The following RALYL variants were observed in gnomAD, a reference collection of about 807,000 sequenced individuals.
RALYL encodes RNA-binding Raly-like protein.
A neutral mutation model predicts 35.1 loss-of-function variants in RALYL; 29 were observed. That is an observed-to-expected ratio of 0.83 (90% CI 0.61 to 1.13). The LOEUF (loss-of-function observed/expected upper bound fraction) is 1.13, where lower values mean the gene tolerates loss of function less well. RALYL is among the 50% of genes most tolerant of loss of function. The pLI, the probability that RALYL is intolerant of heterozygous loss-of-function variation, is 0.00. For missense variants in RALYL, 359 were observed against 360.4 expected (o/e 1.00, Z 0.03); for synonymous variants, 120 against 127.6 (o/e 0.94, Z 0.40).
chr8:84,551,775 C>T (rs2060735835), intron 2 of RALYL, among the ~76,000 whole-genome samples: 1 of 152,140 alleles, frequency 6.6e-6, no homozygotes, highest in South Asian at 2.1e-4. Context: ...ATCTCCTAGG[C>T]TGGTGCATGG....
chr8:84,481,526 A>G (rs2054038657), intron 1 of RALYL, among the ~76,000 whole-genome samples: 1 of 152,168 alleles, frequency 6.6e-6, no homozygotes, highest in African/African-American at 2.4e-5. Flanking sequence ...GTTCATAGAA[A>G]TTCTATTTAC....
At chr8:84,366,482 A>G (rs1854297838) in intron 1 of RALYL, among the ~76,000 whole-genome samples, 1 of 152,110 alleles carries the variant, frequency 6.6e-6, no homozygotes, top group South Asian at 2.1e-4. Context: ...AAGGATGTTT[A>G]AAAGGTGGCT....
intron 1 of RALYL, among the ~76,000 whole-genome samples, chr8:84,518,274 T>C (rs1275853574): frequency 1.3e-5 from 2 of 152,194 alleles, no homozygotes; most frequent in Non-Finnish European, 2.9e-5. Flanking sequence ...GCATCCATAA[T>C]TTTTAATTTC....
intron 4 of RALYL, among the ~76,000 whole-genome samples, chr8:84,826,813 T>C (rs74442155): frequency 3.4e-4 from 52 of 151,314 alleles, no homozygotes; most frequent in African/African-American, 1.2e-3. Context: ...GACAGCCAGG[T>C]TTTTGATGCC....
chr8:84,316,456 A>T (rs4740008), intron 1 of RALYL, among the ~76,000 whole-genome samples: 99,217 of 151,984 alleles, frequency 0.65, 33,109 homozygotes, highest in African/African-American at 0.78. Flanking sequence ...GTTTTATTAG[A>T]TGACATAAAA....
chr8:84,524,361 C>T (rs1424901040), intron 1 of RALYL, among the ~76,000 whole-genome samples: 1 of 152,154 alleles, frequency 6.6e-6, no homozygotes, highest in Non-Finnish European at 1.5e-5. Context: ...TGCTCATCAT[C>T]CCTGGCCATC....
intron 4 of RALYL, among the ~76,000 whole-genome samples, chr8:84,838,750 A>G (rs1832557786): frequency 6.6e-6 from 1 of 152,236 alleles, no homozygotes. Flanking sequence ...GAAAAATAAA[A>G]ATGAATTTTC....
At chr8:84,781,711 G>A (rs1818210443) in intron 3 of RALYL, among the ~76,000 whole-genome samples, 1 of 152,124 alleles carries the variant, frequency 6.6e-6, no homozygotes, top group South Asian at 2.1e-4. Flanking sequence ...ATTGAGGGAG[G>A]TGGGCAGGTA....
intron 1 of RALYL, among the ~76,000 whole-genome samples, chr8:84,330,139 C>G (rs77501443): frequency 1.3e-5 from 2 of 151,922 alleles, no homozygotes; most frequent in Non-Finnish European, 2.9e-5. Flanking sequence ...AGATGCATAA[C>G]TTCTCTGGAA....
chr8:84,225,820 C>G (rs1262895274), intron 1 of RALYL, among the ~76,000 whole-genome samples: 1 of 152,176 alleles, frequency 6.6e-6, no homozygotes, highest in East Asian at 1.9e-4. Context: ...ATGAGTACTG[C>G]ATGAAGACAG....
intron 2 of RALYL, among the ~76,000 whole-genome samples, chr8:84,723,343 C>A (rs769135079): frequency 1.3e-5 from 2 of 151,932 alleles, no homozygotes; most frequent in Non-Finnish European, 2.9e-5. Context: ...ACCTCCACTA[C>A]CAGTGCAGTA....
intron 1 of RALYL, among the ~76,000 whole-genome samples, chr8:84,459,033 A>T (rs1186609897): frequency 6.6e-6 from 1 of 151,712 alleles, no homozygotes; most frequent in African/African-American, 2.4e-5. Flanking sequence ...TTTGTTACTA[A>T]AAAATCTTGA....
At chr8:84,193,678 C>A (rs765960905) in intron 1 of RALYL, among the ~76,000 whole-genome samples, 1 of 152,080 alleles carries the variant, frequency 6.6e-6, no homozygotes, top group Non-Finnish European at 1.5e-5. Context: ...AGGGAATAAG[C>A]ATGAAATATA....
At chr8:84,283,707 T>C (rs1365867676) in intron 1 of RALYL, among the ~76,000 whole-genome samples, 1 of 152,166 alleles carries the variant, frequency 6.6e-6, no homozygotes, top group East Asian at 1.9e-4. Flanking sequence ...AATAATCTTT[T>C]ACAGATTTTT....
intron 1 of RALYL, among the ~76,000 whole-genome samples, chr8:84,288,720 T>A (rs1479964967): frequency 6.6e-6 from 1 of 152,058 alleles, no homozygotes; most frequent in African/African-American, 2.4e-5. Flanking sequence ...AAAACCTGTA[T>A]GTAGAGATTT....
At chr8:84,545,070 G>A (rs1273309462) in intron 2 of RALYL, among the ~76,000 whole-genome samples, 1 of 151,792 alleles carries the variant, frequency 6.6e-6, no homozygotes, top group African/African-American at 2.4e-5. Flanking sequence ...TCCTCATGCA[G>A]TTTATGTCTC....
chr8:84,186,317 AC>A (rs1234812917), intron 1 of RALYL, among the ~76,000 whole-genome samples: 1 of 152,200 alleles, frequency 6.6e-6, no homozygotes, highest in Non-Finnish European at 1.5e-5. Flanking sequence ...CAAACAGCTA[AC>A]ATAAAACATT....
chr8:84,311,090 A>AAAAAAAAAAAAAAAAAAAAAAT lies in RALYL; in HGVS notation c.-24+126667_-24+126668insAAAAAAAAAAAAAAAAAAAATA, dbSNP rs1554614840. On this transcript the variant is annotated intron_variant, in intron 1 of 8. Coordinates refer to ENST00000521268, the MANE Select transcript of RALYL (RefSeq NM_173848.7). ...AAAAAAAAAAAAAAAAAAAAAAAAA[A>AAAAAAAAAAAAAAAAAAAAAAT]ATGTATATTAATGTATAGTATAAAT... is the stretch of plus-strand genomic sequence containing the variant. Among the ~76,000 whole-genome samples, 4 of 99,720 alleles carry AAAAAAAAAAAAAAAAAAAAAAT rather than the reference A, an allele frequency of 4.0e-5. 1 individual carries two copies. Among genetic ancestry groups the AAAAAAAAAAAAAAAAAAAAAAT allele is most frequent in the Non-Finnish European group, 6.3e-5 (3 of 47,382 alleles). 65.4% of individuals were successfully genotyped at this position (99,720 alleles called of 152,430 possible). A position where few individuals can be genotyped will look rare whatever the true frequency, so the allele number is the denominator to read the frequency against.
intron 1 of RALYL, among the ~76,000 whole-genome samples, chr8:84,194,569 T>C (rs1814758967): frequency 6.6e-6 from 1 of 152,196 alleles, no homozygotes; most frequent in African/African-American, 2.4e-5. Context: ...TAATTAAGTA[T>C]AACAGTGAAT....
Sources: allele counts gnomAD v4.1 joint callset (sites outside exome capture counted in the v4.1 genomes callset), GRCh38; gene constraint gnomAD v4.1.1; transcripts MANE v1.5; gene names NCBI Gene and HGNC (gene_info 2026-07-23, HGNC 2026-07-21).